CDH18: variants seen among roughly 807,000 people sequenced by gnomAD.
The protein encoded by CDH18 is cadherin-18.
A neutral mutation model predicts 67.9 loss-of-function variants in CDH18; 31 were observed. That is an observed-to-expected ratio of 0.46 (90% CI 0.34 to 0.62). CDH18 has a LOEUF of 0.62. CDH18 is among the 20% of genes least tolerant of loss of function. The pLI is 0.01. For missense variants in CDH18, 890 were observed against 975.5 expected (o/e 0.91, Z 1.17); for synonymous variants, 362 against 347.2 (o/e 1.04, Z -0.48).
At chr5:19,742,572 G>T (rs981467658) in intron 4 of CDH18, among the ~76,000 whole-genome samples, 1 of 151,862 alleles carries the variant, frequency 6.6e-6, no homozygotes, top group African/African-American at 2.4e-5. Flanking sequence ...CCACAAGCAG[G>T]GCCCCCTGTC....
intron 1 of CDH18, among the ~76,000 whole-genome samples, chr5:20,366,061 C>T (rs895006315): frequency 3.9e-5 from 6 of 152,142 alleles, no homozygotes; most frequent in Non-Finnish European, 8.8e-5. Flanking sequence ...ACTCAAAACT[C>T]CTGCCAATGC....
chr5:20,224,586 T>C (rs1487385581), intron 2 of CDH18, among the ~76,000 whole-genome samples: 1 of 151,922 alleles, frequency 6.6e-6, no homozygotes, highest in African/African-American at 2.4e-5. Flanking sequence ...GGATAAGCTC[T>C]CATTAATATT....
At chr5:20,097,830 A>G (rs1378577056) in intron 2 of CDH18, among the ~76,000 whole-genome samples, 1 of 152,106 alleles carries the variant, frequency 6.6e-6, no homozygotes, top group African/African-American at 2.4e-5. Flanking sequence ...TTTTTTATGA[A>G]TATAAAAATT....
At chr5:19,758,577 C>T (rs559387537) in intron 3 of CDH18, among the ~76,000 whole-genome samples, 112 of 152,272 alleles carry the variant, frequency 7.4e-4, no homozygotes, top group South Asian at 3.3e-3. Context: ...GGCAGACTTT[C>T]GGGTCACCCA....
chr5:20,361,966 G>C (rs1222900957), intron 1 of CDH18, among the ~76,000 whole-genome samples: 3 of 152,060 alleles, frequency 2.0e-5, no homozygotes, highest in Non-Finnish European at 4.4e-5. Context: ...AATTTTAATT[G>C]ACTGTAAACC....
At chr5:19,701,525 C>T (rs1763242003) in intron 5 of CDH18, among the ~76,000 whole-genome samples, 1 of 151,962 alleles carries the variant, frequency 6.6e-6, no homozygotes, top group African/African-American at 2.4e-5. Context: ...TCAAGTTGAC[C>T]CCTTTGGTCA....
intron 2 of CDH18, among the ~76,000 whole-genome samples, chr5:19,979,995 T>C (rs1288395716): frequency 6.6e-6 from 1 of 152,106 alleles, no homozygotes; most frequent in African/African-American, 2.4e-5. Flanking sequence ...AGCATCGAAA[T>C]TGGTAAAGAA....
chr5:19,611,257 T>C (rs1748909066), intron 6 of CDH18, among the ~76,000 whole-genome samples: 1 of 151,664 alleles, frequency 6.6e-6, no homozygotes, highest in African/African-American at 2.4e-5. Context: ...TAGTATAACA[T>C]GAACAAGCAT....
chr5:20,357,395 C>T (rs1487787399), intron 1 of CDH18, among the ~76,000 whole-genome samples: 1 of 152,114 alleles, frequency 6.6e-6, no homozygotes, highest in Admixed American at 6.6e-5. Flanking sequence ...AAGCCAAATG[C>T]TCTGATAGAA....
chr5:19,475,194 A>G (rs1579657250), intron 12 of CDH18, among the ~76,000 whole-genome samples: 1 of 145,128 alleles, frequency 6.9e-6, no homozygotes, highest in African/African-American at 2.6e-5. Flanking sequence ...CAATAACAGC[A>G]CACACACACA....
intron 11 of CDH18, among the ~76,000 whole-genome samples, chr5:19,494,030 G>A (rs760226835): frequency 6.6e-6 from 1 of 152,056 alleles, no homozygotes. Context: ...ACTAAAAGAA[G>A]ATCAACTGGC....
chr5:19,519,157 T>C (rs965994125), intron 10 of CDH18, among the ~76,000 whole-genome samples: 2 of 152,196 alleles, frequency 1.3e-5, no homozygotes, highest in Non-Finnish European at 2.9e-5. Flanking sequence ...TTACTCATTT[T>C]TTGCTTAAAT....
chr5:19,521,987 C>G (rs1746974287), intron 9 of CDH18, among the ~76,000 whole-genome samples: 1 of 152,084 alleles, frequency 6.6e-6, no homozygotes, highest in Non-Finnish European at 1.5e-5. Flanking sequence ...TAAGTGTCAA[C>G]TGCCTAAACA....
chr5:20,163,481 A>G (rs1736052150), intron 2 of CDH18, among the ~76,000 whole-genome samples: 1 of 152,240 alleles, frequency 6.6e-6, no homozygotes, highest in South Asian at 2.1e-4. Context: ...TTCTTAACAG[A>G]AAATCTAATA....
chr5:19,839,529 T>C (rs916471713), intron 2 of CDH18, among the ~76,000 whole-genome samples: 1 of 152,180 alleles, frequency 6.6e-6, no homozygotes, highest in Non-Finnish European at 1.5e-5. Flanking sequence ...ACCTACTGTA[T>C]AAGACTCATC....
intron 2 of CDH18, among the ~76,000 whole-genome samples, chr5:20,018,047 T>C (rs1489388140): frequency 2.0e-5 from 3 of 152,154 alleles, no homozygotes; most frequent in Non-Finnish European, 4.4e-5. Flanking sequence ...AAGTGTTCAG[T>C]ATAGGACAGA....
intron 2 of CDH18, among the ~76,000 whole-genome samples, chr5:20,144,881 G>C (rs1403916737): frequency 2.0e-5 from 3 of 152,116 alleles, no homozygotes; most frequent in African/African-American, 7.2e-5. Context: ...CACATAGTGA[G>C]AGCATCATGT....
chr5:19,598,950 C>T lies in CDH18; in HGVS notation c.812-7706G>A, dbSNP rs374790970. On this transcript the variant is annotated intron_variant, in intron 6 of 12. Transcript: ENST00000382275. ...ACAAAGGGTTATTTATAACTATGCA[C>T]TAATATGTGACTATTAATGAAAAAT... 2.6e-5 allele frequency among the ~76,000 whole-genome samples: 4 copies of T among 151,886 alleles called. No individual in the cohort carries two copies. In the South Asian group the frequency reaches 8.3e-4, roughly 31 times the overall value.
chr5:20,214,967 A>G (rs771661651), intron 2 of CDH18, among the ~76,000 whole-genome samples: 1 of 152,080 alleles, frequency 6.6e-6, no homozygotes, highest in Non-Finnish European at 1.5e-5. Flanking sequence ...AATATCCAGC[A>G]TCCATAAGGA....
Sources: allele counts gnomAD v4.1 joint callset (sites outside exome capture counted in the v4.1 genomes callset), GRCh38; gene constraint gnomAD v4.1.1; transcripts MANE v1.5; gene names NCBI Gene and HGNC (gene_info 2026-07-23, HGNC 2026-07-21).